The following TRIQK variants were observed in gnomAD, a reference collection of about 807,000 sequenced individuals.
TRIQK encodes the protein triple QxxK/R motif-containing protein.
In TRIQK, 10 loss-of-function variants were observed where a neutral mutation model predicts 10.8. That is an observed-to-expected ratio of 0.92 (90% CI 0.57 to 1.57). The LOEUF is 1.57. Among genes scored for constraint, TRIQK ranks in the 40% most tolerant of loss-of-function variants. TRIQK has a pLI of 0.00. For synonymous variants in TRIQK, 33 were observed against 33.7 expected (o/e 0.98, Z 0.07); for missense variants, 107 against 97.7 (o/e 1.09, Z -0.40).
chr8:93,013,975 A>G (rs996104354), intron 1 of TRIQK, among the ~76,000 whole-genome samples: 4 of 152,160 alleles, frequency 2.6e-5, no homozygotes, highest in Non-Finnish European at 5.9e-5. Context: ...ATGAAAGGCT[A>G]TATTCACCAT....
At chr8:92,906,979 T>C (rs1424925044) in intron 3 of TRIQK, among the ~76,000 whole-genome samples, 1 of 152,142 alleles carries the variant, frequency 6.6e-6, no homozygotes, top group African/African-American at 2.4e-5. Context: ...TGGAGGATGC[T>C]GGAGATATCC....
upstream of TRIQK, among the ~76,000 whole-genome samples, chr8:92,969,550 GAC>G (rs1397946878): frequency 6.7e-6 from 1 of 149,986 alleles, no homozygotes; most frequent in African/African-American, 2.4e-5. Context: ...TATATCTTAT[GAC>G]AGTTTTTTTT....
At chr8:92,957,233 T>C (rs183948637) in intron 1 of TRIQK, among the ~76,000 whole-genome samples, 175 of 151,948 alleles carry the variant, frequency 1.2e-3, no homozygotes, top group African/African-American at 3.9e-3. Context: ...CATGTGTACA[T>C]AACCATATAT....
chr8:92,915,488 CTTT>C (rs759774758), intron 3 of TRIQK, among the ~76,000 whole-genome samples: 1 of 143,614 alleles, frequency 7.0e-6, no homozygotes, highest in Non-Finnish European at 1.5e-5. Context: ...TATAAACATT[CTTT>C]TTTTTTTTTT....
chr8:92,904,637 T>A (rs1444323134), intron 3 of TRIQK, among the ~76,000 whole-genome samples: 1 of 152,110 alleles, frequency 6.6e-6, no homozygotes, highest in East Asian at 1.9e-4. Flanking sequence ...CTGTCCTTAC[T>A]GGAAAGGACA....
intron 3 of TRIQK, among the ~76,000 whole-genome samples, chr8:92,913,919 T>G (rs184629572): frequency 6.2e-4 from 94 of 152,148 alleles, no homozygotes; most frequent in Middle Eastern, 3.4e-3. Context: ...GGTTGAACAT[T>G]GAGAACATAC....
At chr8:92,889,801 T>C (rs1816670657) in intron 4 of TRIQK, among the ~76,000 whole-genome samples, 1 of 151,748 alleles carries the variant, frequency 6.6e-6, no homozygotes, top group African/African-American at 2.4e-5. Context: ...CTTAGATGGA[T>C]CATGGCAAAA....
rs545473891 is a variant in TRIQK, at chr8:92,948,903, C to A, written c.-22+5503G>T. On this transcript the variant is annotated intron_variant, in intron 2 of 4. Transcript: ENST00000521988. ...AATGTGACCTAATGGTTTCTCTGTG[C>A]ACAGTAAACTGTAACCTTTCCATGT... Among the ~76,000 whole-genome samples, 3 of 152,310 alleles carry A rather than the reference C, an allele frequency of 2.0e-5. No homozygotes were observed. The South Asian group carries it at 6.2e-4, about 32-fold the overall frequency.
At chr8:92,943,528 C>G (rs1209941785) in intron 2 of TRIQK, among the ~76,000 whole-genome samples, 1 of 152,160 alleles carries the variant, frequency 6.6e-6, no homozygotes, top group African/African-American at 2.4e-5. Context: ...CATACACTTA[C>G]AGCCAACTGA....
chr8:92,922,119 A>G (rs1387342438), intron 2 of TRIQK: 3 of 151,820 alleles, frequency 2.0e-5, no homozygotes, highest in East Asian at 1.9e-4. Flanking sequence ...TAGTTATTAC[A>G]TCTAAGAAAA....
At chr8:92,906,341 A>G (rs1056563127) in intron 3 of TRIQK, among the ~76,000 whole-genome samples, 6 of 152,168 alleles carry the variant, frequency 3.9e-5, no homozygotes, top group African/African-American at 1.4e-4. Context: ...TGGTTTGTTC[A>G]TACATAGCGC....
chr8:92,925,274 C>T (rs902173881), intron 2 of TRIQK, among the ~76,000 whole-genome samples: 1 of 151,712 alleles, frequency 6.6e-6, no homozygotes, highest in Non-Finnish European at 1.5e-5. Flanking sequence ...TACAACTGAA[C>T]GAAGTAGCTA....
At chr8:92,964,833 G>A (rs926002744) in intron 1 of TRIQK, 5 of 152,036 alleles carry the variant, frequency 3.3e-5, no homozygotes, top group African/African-American at 1.2e-4. Flanking sequence ...TACAGATAAC[G>A]AAACAATTAT....
chr8:92,939,033 T>C (rs1420901984), intron 2 of TRIQK, among the ~76,000 whole-genome samples: 1 of 152,228 alleles, frequency 6.6e-6, no homozygotes, highest in African/African-American at 2.4e-5. Context: ...GCATGACTAG[T>C]AATTTTTACC....
intron 1 of TRIQK, among the ~76,000 whole-genome samples, chr8:93,011,979 C>T (rs1813340215): frequency 6.6e-6 from 1 of 151,998 alleles, no homozygotes; most frequent in South Asian, 2.1e-4. Flanking sequence ...AGATGGTGGA[C>T]AGTTTGGGGA....
chr8:92,954,908 G>A (rs901785702), intron 1 of TRIQK, among the ~76,000 whole-genome samples: 1 of 151,778 alleles, frequency 6.6e-6, no homozygotes, highest in Non-Finnish European at 1.5e-5. Context: ...AAGCATAAAT[G>A]TAAAAATACT....
intron 1 of TRIQK, among the ~76,000 whole-genome samples, chr8:92,980,753 A>G (rs977876767): frequency 6.6e-6 from 1 of 151,768 alleles, no homozygotes; most frequent in Non-Finnish European, 1.5e-5. Flanking sequence ...TCCACTGTCA[A>G]TTTTGGGATT....
chr8:93,005,180 A>T (rs990016611), intron 1 of TRIQK, among the ~76,000 whole-genome samples: 1 of 152,194 alleles, frequency 6.6e-6, no homozygotes, highest in Non-Finnish European at 1.5e-5. Flanking sequence ...TCACATTTCC[A>T]CAGGCAGTAC....
chr8:93,003,747 A>G (rs1813238973), intron 1 of TRIQK, among the ~76,000 whole-genome samples: 1 of 152,244 alleles, frequency 6.6e-6, no homozygotes, highest in East Asian at 1.9e-4. Flanking sequence ...ATGAGCGTAC[A>G]GGCATTTGGT....
Sources: allele counts gnomAD v4.1 joint callset (sites outside exome capture counted in the v4.1 genomes callset), GRCh38; gene constraint gnomAD v4.1.1; transcripts MANE v1.5; gene names NCBI Gene and HGNC (gene_info 2026-07-23, HGNC 2026-07-21).